TMEM229B: variants seen among roughly 807,000 people sequenced by gnomAD.
TMEM229B encodes the protein transmembrane protein 229B.
In TMEM229B, 6 loss-of-function variants were observed where a neutral mutation model predicts 13.7. The ratio of observed to expected loss-of-function variants is 0.44; its 90% CI spans 0.24 to 0.86. TMEM229B has a LOEUF of 0.86. TMEM229B is among the 40% of genes least tolerant of loss of function. The probability of loss-of-function intolerance (pLI) is 0.23; values close to 1 mark genes in which losing one functional copy is unlikely to be tolerated. For missense variants in TMEM229B, 170 were observed against 236.0 expected (o/e 0.72, Z 1.83); for synonymous variants, 107 against 102.1 (o/e 1.05, Z -0.29).
chr14:67,508,767 A>C (rs1012793498), intron 1 of TMEM229B, among the ~76,000 whole-genome samples: 1 of 150,882 alleles, frequency 6.6e-6, no homozygotes, highest in Non-Finnish European at 1.5e-5. Flanking sequence ...AAAAAAAAAA[A>C]AAAACAGAAG....
rs2032545817 is a variant in TMEM229B at position 67,500,148 on chromosome 14, A to C, written c.-191-12976T>G. Among the ~76,000 whole-genome samples the C allele has an allele frequency of 3.3e-5, 5 of 152,134 alleles. No individual in the cohort carries two copies. The South Asian group carries it at 1.0e-3, about 31-fold the overall frequency. On this transcript the variant is annotated intron_variant, in intron 1 of 2. Transcript: ENST00000357461. ...CACTGCACTCCAGCCTGGGCAACAG[A>C]GTGAGACCCTGTCTCTTAAAATAAA...
At chr14:67,490,899 G>A (rs554513034), upstream of TMEM229B, among the ~76,000 whole-genome samples, 6 of 152,266 alleles carry the variant, frequency 3.9e-5, no homozygotes, top group South Asian at 1.2e-3. Context: ...GGGCGTGGAG[G>A]GGGGCAGATA....
At chr14:67,499,816 C>T (rs1594704023) in intron 1 of TMEM229B, among the ~76,000 whole-genome samples, 1 of 149,256 alleles carries the variant, frequency 6.7e-6, no homozygotes, top group East Asian at 2.0e-4. Context: ...ACAGGCATGA[C>T]CATCACTGCT....
chr14:67,508,231 T>C (rs1458527604), intron 1 of TMEM229B, among the ~76,000 whole-genome samples: 1 of 152,034 alleles, frequency 6.6e-6, no homozygotes, highest in Non-Finnish European at 1.5e-5. Context: ...CCAGTTTGAC[T>C]TCTTTCTCCT....
At chr14:67,475,519 G>T (rs928489179) in intron 2 of TMEM229B, among the ~76,000 whole-genome samples, 3 of 152,170 alleles carry the variant, frequency 2.0e-5, no homozygotes, top group Non-Finnish European at 2.9e-5. Flanking sequence ...CAATGTACAA[G>T]GGTTCCAATT....
upstream of TMEM229B, among the ~76,000 whole-genome samples, chr14:67,493,242 A>G (rs1566686608): frequency 6.6e-6 from 1 of 152,200 alleles, no homozygotes; most frequent in Non-Finnish European, 1.5e-5. Flanking sequence ...AATCTTACCC[A>G]TCCATCTATC....
intron 1 of TMEM229B, among the ~76,000 whole-genome samples, chr14:67,504,001 C>T (rs2032718478): frequency 6.8e-6 from 1 of 148,018 alleles, no homozygotes; most frequent in Admixed American, 6.8e-5. Flanking sequence ...TGTGCCCAGC[C>T]TATTTTTTAA....
chr14:67,528,176 GATA>G (rs1566711377), intron 1 of TMEM229B, among the ~76,000 whole-genome samples: 1 of 152,160 alleles, frequency 6.6e-6, no homozygotes, highest in African/African-American at 2.4e-5. Flanking sequence ...CTGCTGAGGA[GATA>G]ATAATAACAA....
In TMEM229B at chr14:67,472,415, C is replaced by T. The variant is rs1032726693; in HGVS notation, c.*1005G>A. 4 of 152,342 alleles carry T rather than the reference C, an allele frequency of 2.6e-5. No homozygotes were observed. The highest frequency in any genetic ancestry group is 4.8e-5 in the African/African-American group (2 of 41,452). 9.4% of individuals were successfully genotyped at this position (152,342 alleles called of 1,614,324 possible). On this transcript the variant is annotated 3_prime_UTR_variant, in exon 3 of 3. Coordinates refer to ENST00000554480, the MANE Select transcript of TMEM229B (RefSeq NM_001348543.2). The stretch of plus-strand genomic sequence containing the variant: ...CCACCAAACTGACTTGCCTCTAGGT[C>T]CCCACTGTGGATCCACAGGGCCTAA...
At chr14:67,524,292 G>A (rs1247504857) in intron 1 of TMEM229B, among the ~76,000 whole-genome samples, 2 of 152,104 alleles carry the variant, frequency 1.3e-5, no homozygotes, top group Non-Finnish European at 2.9e-5. Flanking sequence ...GTTCTAGGAA[G>A]ACACTGGGCC....
intron 1 of TMEM229B, among the ~76,000 whole-genome samples, chr14:67,523,963 G>A (rs2033329783): frequency 6.6e-6 from 1 of 152,184 alleles, no homozygotes; most frequent in Admixed American, 6.5e-5. Context: ...GGTTTCCAGT[G>A]ACACAAAGCA....
upstream of TMEM229B, among the ~76,000 whole-genome samples, chr14:67,516,400 G>T (rs867153942): frequency 8.5e-5 from 13 of 152,120 alleles, no homozygotes; most frequent in Non-Finnish European, 1.6e-4. Flanking sequence ...AGCTGGAGAG[G>T]GGGGGAAATG....
rs953035522 is a variant in TMEM229B at position 67,471,341 on chromosome 14, AGT to A, written c.*2077_*2078del. 1 of 152,292 alleles carries A rather than the reference AGT, an allele frequency of 6.6e-6. No individual in the cohort carries two copies. The highest frequency in any genetic ancestry group is 1.5e-5 in the Non-Finnish European group (1 of 68,094). The allele number at this position is 152,292 out of a possible 1,614,324, so 9.4% of individuals were successfully genotyped here. A position where few individuals can be genotyped will look rare whatever the true frequency, so the allele number is the denominator to read the frequency against. On this transcript the variant is annotated 3_prime_UTR_variant, in exon 3 of 3. Transcript: ENST00000554480. ...GTGGAATGCAAGTGTGAAGGTGGGTAGTGTGGTCTAGGGGCCCACATGGAAGG... is the reference window on the plus strand; with the variant it reads ...GTGGAATGCAAGTGTGAAGGTGGGTAGTGGTCTAGGGGCCCACATGGAAGG...
intron 1 of TMEM229B, among the ~76,000 whole-genome samples, chr14:67,527,392 C>T (rs117100065): frequency 0.023 from 3,532 of 152,196 alleles, 87 homozygotes; most frequent in African/African-American, 0.058. Flanking sequence ...GAGCCGATAT[C>T]GCACCATTGC....
intron 2 of TMEM229B, among the ~76,000 whole-genome samples, chr14:67,484,521 A>G (rs975261209): frequency 4.6e-5 from 7 of 152,248 alleles, no homozygotes; most frequent in Admixed American, 4.6e-4. Flanking sequence ...ATAGAAAGCA[A>G]AAGTTCCCTG....
At chr14:67,516,398 A>AG (rs1339895609), upstream of TMEM229B, among the ~76,000 whole-genome samples, 3 of 55,082 alleles carry the variant, frequency 5.4e-5, no homozygotes, top group South Asian at 5.8e-4. Context: ...CTAGCTGGAG[A>AG]GGGGGGGAAA....
Position 67,477,166 on chromosome 14 carries a change from C to CA in TMEM229B, c.-18-3226dup, listed in dbSNP as rs3070452. ...GGACAACAAGAGCGAAACTCCATCT[C>CA]AAAAAAAAAAAAAAAATGTTCGATA... is the stretch of plus-strand genomic sequence containing the variant. On this transcript the variant is annotated intron_variant, in intron 2 of 2. Coordinates refer to ENST00000554480, the MANE Select transcript of TMEM229B (RefSeq NM_001348543.2). 3.6e-3 allele frequency among the ~76,000 whole-genome samples: 490 copies of CA among 137,144 alleles called. 3 individuals are homozygous for CA. Among genetic ancestry groups the CA allele is most frequent in the East Asian group, 0.01 (46 of 4,458 alleles). The allele number at this position is 137,144 out of a possible 152,430, so 90.0% of individuals were successfully genotyped here.
rs1322515927 is a variant in TMEM229B at position 67,470,291 on chromosome 14, T to C, written c.*3129A>G. 6.6e-6 allele frequency: 1 copy of C among 152,136 alleles called. No homozygotes were observed. Among genetic ancestry groups the C allele is most frequent in the East Asian group, 1.9e-4 (1 of 5,202 alleles). The allele number at this position is 152,136 out of a possible 1,614,324, so 9.4% of individuals were successfully genotyped here. ...TCCTGGAACACAAACACCAGTATAT[T>C]TTATGTGCACAAATGTGAAAAGGAA... On this transcript the variant is annotated 3_prime_UTR_variant, in exon 3 of 3. Coordinates refer to ENST00000554480, the MANE Select transcript of TMEM229B (RefSeq NM_001348543.2).
chr14:67,532,663 G>T (rs575753650), intron 1 of TMEM229B, among the ~76,000 whole-genome samples: 1 of 152,084 alleles, frequency 6.6e-6, no homozygotes, highest in Non-Finnish European at 1.5e-5. Flanking sequence ...GTCCAGCCTG[G>T]GCAACATAGC....
Sources: gnomAD v4.1 joint callset for allele counts (sites outside exome capture counted in the v4.1 genomes callset) on GRCh38, gnomAD v4.1.1 for gene constraint, MANE v1.5 for transcripts, NCBI Gene and HGNC (gene_info 2026-07-23, HGNC 2026-07-21) for gene names.